CHRM3: variants seen among roughly 807,000 people sequenced by gnomAD.
CHRM3 encodes muscarinic acetylcholine receptor M3.
CHRM3 carries 11 observed loss-of-function variants against 41.8 expected under a neutral mutation model. The observed-to-expected ratio is 0.26, with a 90% CI of 0.17 to 0.44. The LOEUF (loss-of-function observed/expected upper bound fraction) is 0.44. Ranked by LOEUF, CHRM3 falls within the 20% of genes least tolerant of loss-of-function variation. The pLI is 1.00. For missense variants in CHRM3, 571 were observed against 745.4 expected, an observed-to-expected ratio of 0.77 and a Z score of 2.72; for synonymous variants, 297 against 301.4, an observed-to-expected ratio of 0.99 and a Z score of 0.15.
At chr1:239,802,960 A>G (rs74149210) in intron 5 of CHRM3, among the ~76,000 whole-genome samples, 2,446 of 152,310 alleles carry the variant, frequency 0.016, 78 homozygotes, top group African/African-American at 0.055. Flanking sequence ...AAGCTGCCTC[A>G]CAGAAAAATC....
chr1:239,400,306 C>CT, intron 1 of CHRM3, among the ~76,000 whole-genome samples: 1 of 152,060 alleles, frequency 6.6e-6, no homozygotes, highest in Non-Finnish European at 1.5e-5. Context: ...AGATTATTTT[C>CT]TTTTTTGCTA....
At chr1:239,822,005 A>G (rs1219864723) in intron 5 of CHRM3, among the ~76,000 whole-genome samples, 1 of 152,132 alleles carries the variant, frequency 6.6e-6, no homozygotes, top group Admixed American at 6.5e-5. Flanking sequence ...TTTGCCTTCC[A>G]CCATGATTGT....
chr1:239,716,249 G>C (rs529112216), intron 5 of CHRM3, among the ~76,000 whole-genome samples: 3 of 152,008 alleles, frequency 2.0e-5, no homozygotes, highest in African/African-American at 7.2e-5. Flanking sequence ...TGAGGTTGTA[G>C]AACTGATGGA....
chr1:239,590,934 G>A (rs1344286408), intron 3 of CHRM3, among the ~76,000 whole-genome samples: 1 of 152,148 alleles, frequency 6.6e-6, no homozygotes, highest in African/African-American at 2.4e-5. Context: ...CCCATTGTAG[G>A]ATATGGCTGT....
intron 6 of CHRM3, among the ~76,000 whole-genome samples, chr1:239,828,734 A>T (rs1395806461): frequency 6.6e-6 from 1 of 152,116 alleles, no homozygotes; most frequent in Non-Finnish European, 1.5e-5. Context: ...CTAGAATATC[A>T]ATGCAGATTT....
At chr1:239,545,295 C>T (rs1641985001) in intron 2 of CHRM3, among the ~76,000 whole-genome samples, 1 of 151,962 alleles carries the variant, frequency 6.6e-6, no homozygotes, top group South Asian at 2.1e-4. Context: ...CAAAGGCATC[C>T]GAGTGATAAT....
intron 4 of CHRM3, among the ~76,000 whole-genome samples, chr1:239,642,401 AC>A (rs1259634635): frequency 6.6e-6 from 1 of 152,096 alleles, no homozygotes; most frequent in East Asian, 1.9e-4. Context: ...TTTCAGGTAC[AC>A]CAATCAGATG....
Position 239,907,562 on chromosome 1 carries a change from C to T in CHRM3, c.111C>T (p.Phe37=), listed in dbSNP as rs200497627. 9 of 1,614,068 alleles carry T rather than the reference C, an allele frequency of 5.6e-6. No homozygotes were observed. The highest frequency in any genetic ancestry group is 1.6e-4 in the Middle Eastern group (1 of 6,084). The part of the protein sequence containing the change: ...AGLPPGTVTH[F]GSYNVSRAAG... ...TGCCCCCGGGAACCGTCACTCATTT[C>T]GGCAGCTACAATGTTTCTCGAGCAG... The change falls in exon 7 of 7, where the codon TTC becomes TTT. Residue 37 remains phenylalanine, a synonymous_variant. Transcript: ENST00000676153. The surrounding 1 kb of genome is among the most constrained non-coding windows in gnomAD (Gnocchi z 5.4).
At position 239,485,759 on chromosome 1, in the gene CHRM3, T is replaced by C. The variant is rs1449918756; in HGVS notation, c.-520-6950T>C. Among the ~76,000 whole-genome samples, 3 of 152,194 alleles carry C rather than the reference T, an allele frequency of 2.0e-5. No homozygotes were observed. The East Asian group carries it at 5.8e-4, about 29-fold the overall frequency. ...GATGTAAATTTTCAGTGAGCCCTTT[T>C]GCTCTCTCCTAGAACTTGACCTCCA... is the stretch of plus-strand genomic sequence containing the variant. On this transcript the variant is annotated intron_variant, in intron 1 of 6. Coordinates refer to ENST00000676153, the MANE Select transcript of CHRM3 (RefSeq NM_001375978.1).
chr1:239,588,506 T>C (rs7517219), intron 3 of CHRM3, among the ~76,000 whole-genome samples: 5,306 of 152,318 alleles, frequency 0.035, 338 homozygotes, highest in African/African-American at 0.12. Flanking sequence ...CTTTTCATTT[T>C]ACATTTTCAG....
rs568030537 is a variant in CHRM3, at chr1:239,684,565, C to T, written c.-147+6277C>T. 1.0e-3 allele frequency among the ~76,000 whole-genome samples: 154 copies of T among 150,874 alleles called. 1 individual carries two copies. The highest frequency in any genetic ancestry group is 1.8e-3 in the Non-Finnish European group (123 of 67,764). ...CAAAAAAATTAGCCGGGCATGTTGG[C>T]GCTAGAACCTGAGAAGCAGAGGTTG... On this transcript the variant is annotated intron_variant, in intron 5 of 6. Coordinates refer to ENST00000676153, the MANE Select transcript of CHRM3 (RefSeq NM_001375978.1).
chr1:239,533,731 C>CAAAAAA (rs61441846), intron 2 of CHRM3, among the ~76,000 whole-genome samples: 1 of 37,058 alleles, frequency 2.7e-5, no homozygotes, highest in African/African-American at 8.9e-5. Context: ...AACTCTGTCT[C>CAAAAAA]AAAAAAAAAA....
intron 5 of CHRM3, among the ~76,000 whole-genome samples, chr1:239,801,544 T>G (rs1670213526): frequency 6.6e-6 from 1 of 152,192 alleles, no homozygotes; most frequent in African/African-American, 2.4e-5. Context: ...AATAAGCAGA[T>G]TAGCTGTGTT....
At chr1:239,717,465 ACG>A (rs939404943) in intron 5 of CHRM3, among the ~76,000 whole-genome samples, 1 of 116,702 alleles carries the variant, frequency 8.6e-6, no homozygotes, top group African/African-American at 3.0e-5. Context: ...AAAGACACAC[ACG>A]CACACACACA....
intron 5 of CHRM3, among the ~76,000 whole-genome samples, chr1:239,737,689 A>G (rs61834842): frequency 0.038 from 5,734 of 152,166 alleles, 174 homozygotes; most frequent in African/African-American, 0.068. Flanking sequence ...CAGAGTTGGG[A>G]TGGCATTGTT....
chr1:239,507,097 T>C (rs1048825324), intron 2 of CHRM3, among the ~76,000 whole-genome samples: 1 of 152,128 alleles, frequency 6.6e-6, no homozygotes, highest in Non-Finnish European at 1.5e-5. Flanking sequence ...TGATGGGACA[T>C]TGGACTGTGG....
At chr1:239,580,299 CACACACACAT>C (rs1166659925) in intron 3 of CHRM3, among the ~76,000 whole-genome samples, 3 of 131,856 alleles carry the variant, frequency 2.3e-5, no homozygotes, top group African/African-American at 9.6e-5. Flanking sequence ...CACACACACA[CACACACACAT>C]CAAAAATTGA....
At chr1:239,813,179 G>T (rs1220573188) in intron 5 of CHRM3, among the ~76,000 whole-genome samples, 2 of 152,166 alleles carry the variant, frequency 1.3e-5, no homozygotes, top group African/African-American at 4.8e-5. Flanking sequence ...TTGGGAGGCT[G>T]AGGCAGGAGA....
intron 5 of CHRM3, chr1:239,718,852 G>A (rs759409104): frequency 6.6e-6 from 1 of 151,932 alleles, no homozygotes; most frequent in African/African-American, 2.4e-5. Context: ...GGCATTATAC[G>A]CAAGGCTGAA....
Sources: gnomAD v4.1 joint callset for allele counts (sites outside exome capture counted in the v4.1 genomes callset) on GRCh38, gnomAD v4.1.1 for gene constraint, Gnocchi (gnomAD v3.1) non-coding constraint, MANE v1.5 for transcripts, NCBI Gene and HGNC (gene_info 2026-07-23, HGNC 2026-07-21) for gene names.